PLAAT1: variants seen among roughly 807,000 people sequenced by gnomAD.
The protein encoded by PLAAT1 is phospholipase A and acyltransferase 1.
A neutral mutation model predicts 16.4 loss-of-function variants in PLAAT1; 13 were observed. That is an observed-to-expected ratio of 0.79 (90% CI 0.52 to 1.26). The LOEUF (loss-of-function observed/expected upper bound fraction) is 1.26. Ranked by LOEUF, PLAAT1 falls within the 50% of genes most tolerant of loss-of-function variation. The pLI, the probability that PLAAT1 is intolerant of heterozygous loss-of-function variation, is 0.00. For missense variants in PLAAT1, 218 were observed against 207.8 expected, an observed-to-expected ratio of 1.05 and a Z score of -0.30; for synonymous variants, 73 against 78.4, an observed-to-expected ratio of 0.93 and a Z score of 0.36.
At chr3:193,267,006 C>T (rs1361647502) in intron 3 of PLAAT1, among the ~76,000 whole-genome samples, 4 of 151,676 alleles carry the variant, frequency 2.6e-5, no homozygotes, top group Non-Finnish European at 5.9e-5. Context: ...ATGATTTCAT[C>T]TTTTTTTCTT....
chr3:193,253,296 A>G (rs1445740316), intron 1 of PLAAT1, among the ~76,000 whole-genome samples: 1 of 152,176 alleles, frequency 6.6e-6, no homozygotes, highest in African/African-American at 2.4e-5. Context: ...AATTAACTTA[A>G]CAGTTTATGA....
intron 3 of PLAAT1, among the ~76,000 whole-genome samples, chr3:193,264,327 C>G (rs868676247): frequency 6.6e-6 from 1 of 152,164 alleles, no homozygotes; most frequent in Admixed American, 6.5e-5. Context: ...CAAAATCCTA[C>G]TTATCCTGCC....
intron 2 of PLAAT1, among the ~76,000 whole-genome samples, chr3:193,262,363 C>A (rs1716616595): frequency 7.6e-6 from 1 of 132,084 alleles, no homozygotes; most frequent in Admixed American, 8.1e-5. Context: ...TTTTTTCTGG[C>A]CAAAGGAACT....
downstream of PLAAT1, among the ~76,000 whole-genome samples, chr3:193,272,014 C>A (rs955007598): frequency 5.9e-5 from 9 of 152,086 alleles, no homozygotes; most frequent in African/African-American, 1.9e-4. Context: ...CTCAAAGACT[C>A]TCTTCTTCCA....
chr3:193,257,711 A>T (rs1157037860), intron 2 of PLAAT1, among the ~76,000 whole-genome samples: 3 of 152,144 alleles, frequency 2.0e-5, no homozygotes, highest in African/African-American at 7.2e-5. Flanking sequence ...AAGGAGACTA[A>T]CATTTGAGTC....
intron 2 of PLAAT1, among the ~76,000 whole-genome samples, chr3:193,260,087 C>T (rs544914608): frequency 1.3e-5 from 2 of 151,984 alleles, no homozygotes; most frequent in Admixed American, 6.5e-5. Context: ...ACAAATTCAA[C>T]AAAAATAAGC....
At chr3:193,260,182 CT>C (rs1716533641) in intron 2 of PLAAT1, among the ~76,000 whole-genome samples, 1 of 152,110 alleles carries the variant, frequency 6.6e-6, no homozygotes, top group African/African-American at 2.4e-5. Flanking sequence ...GGACCTCTGC[CT>C]TTCACTATGT....
intron 1 of PLAAT1, among the ~76,000 whole-genome samples, chr3:193,248,236 G>T (rs1407953358): frequency 6.6e-6 from 1 of 151,926 alleles, no homozygotes; most frequent in Admixed American, 6.6e-5. Context: ...CTTTGTGTTG[G>T]TTTCCATTTG....
chr3:193,270,886 C>T, downstream of PLAAT1: 1 of 1,283,180 alleles, frequency 7.8e-7, no homozygotes, highest in Non-Finnish European at 9.9e-7. Flanking sequence ...TTTTCCCCTG[C>T]TAGCATAGAT....
At chr3:193,275,138 G>A (rs183308841), downstream of PLAAT1, 11 of 1,614,200 alleles carry the variant, frequency 6.8e-6, no homozygotes, top group East Asian at 2.5e-4. Flanking sequence ...CTCCGTTGAT[G>A]TAGAATCCAT....
intron 2 of PLAAT1, among the ~76,000 whole-genome samples, chr3:193,260,852 A>C (rs1226994057): frequency 6.6e-6 from 1 of 152,210 alleles, no homozygotes; most frequent in African/African-American, 2.4e-5. Flanking sequence ...CTGCATATAT[A>C]TCCAAAGGAA....
chr3:193,247,155 A>G (rs1468761777), intron 1 of PLAAT1, among the ~76,000 whole-genome samples: 1 of 152,160 alleles, frequency 6.6e-6, no homozygotes, highest in African/African-American at 2.4e-5. Context: ...TGTTCATAGT[A>G]GTCTTCTATG....
intron 3 of PLAAT1, among the ~76,000 whole-genome samples, chr3:193,270,023 T>C (rs895106460): frequency 4.6e-5 from 7 of 151,864 alleles, no homozygotes; most frequent in African/African-American, 1.7e-4. Flanking sequence ...TATGTGTATT[T>C]AGCTCAGATG....
downstream of PLAAT1, among the ~76,000 whole-genome samples, chr3:193,280,201 C>T (rs1717421664): frequency 6.6e-6 from 1 of 152,042 alleles, no homozygotes; most frequent in Non-Finnish European, 1.5e-5. Flanking sequence ...CAGGCGCCCA[C>T]CACCATGCAT....
Position 193,241,305 on chromosome 3 carries a change from C to G in PLAAT1, c.-229C>G, listed in dbSNP as rs1048834836. 12 of 1,230,930 alleles carry G rather than the reference C, an allele frequency of 9.7e-6. No individual in the cohort carries two copies. The highest frequency in any genetic ancestry group is 1.2e-5 in the Non-Finnish European group (12 of 987,530). The allele number at this position is 1,230,930 out of a possible 1,614,324, so 76.3% of individuals were successfully genotyped here. ...CCGGCGTGCGGGCGTCTCAGAGCCG[C>G]GGAGGGGCCGCCGGGACCGTTTCAG... On this transcript the variant is annotated 5_prime_UTR_variant, in exon 1 of 4. Coordinates refer to ENST00000264735, the MANE Select transcript of PLAAT1 (RefSeq NM_020386.5).
At chr3:193,252,631 C>T (rs922816827) in intron 1 of PLAAT1, among the ~76,000 whole-genome samples, 1 of 151,988 alleles carries the variant, frequency 6.6e-6, no homozygotes, top group Non-Finnish European at 1.5e-5. Context: ...CTTTGTCTAC[C>T]CTAGACCCTA....
Position 193,257,100 on chromosome 3 carries a change from A to G in PLAAT1, c.139+1311A>G, listed in dbSNP as rs185164509. On this transcript the variant is annotated intron_variant, in intron 2 of 3. Coordinates refer to ENST00000264735, the MANE Select transcript of PLAAT1 (RefSeq NM_020386.5). Reference sequence around the variant, plus strand: ...CCGGACTATGTCTCTTTAAAAAACTAAACTGATGACCATAAGCAGCTTTAG... The same window carrying G: ...CCGGACTATGTCTCTTTAAAAAACTGAACTGATGACCATAAGCAGCTTTAG... Among the ~76,000 whole-genome samples, 4 of 152,282 alleles carry G rather than the reference A, an allele frequency of 2.6e-5. No homozygotes were observed. In the East Asian group the frequency reaches 7.7e-4, roughly 29 times the overall value.
At chr3:193,240,883 T>A (rs1363683779), upstream of PLAAT1, among the ~76,000 whole-genome samples, 1 of 151,460 alleles carries the variant, frequency 6.6e-6, no homozygotes, top group Non-Finnish European at 1.5e-5. Context: ...GGTGTACTCA[T>A]GATGGGTGTA....
chr3:193,274,839 A>AT (rs1002434740), downstream of PLAAT1: 56 of 663,328 alleles, frequency 8.4e-5, no homozygotes, highest in Middle Eastern at 8.5e-4. Context: ...CAGGAAATGC[A>AT]TTTTTTTCTC....
Sources: allele counts gnomAD v4.1 joint callset (sites outside exome capture counted in the v4.1 genomes callset), GRCh38; gene constraint gnomAD v4.1.1; transcripts MANE v1.5; gene names NCBI Gene and HGNC (gene_info 2026-07-23, HGNC 2026-07-21).